ABHD4: variants seen among roughly 807,000 people sequenced by gnomAD.
ABHD4 encodes (Lyso)-N-acylphosphatidylethanolamine lipase.
ABHD4 carries 35 observed loss-of-function variants against 42.3 expected under a neutral mutation model. That is an observed-to-expected ratio of 0.83 (90% CI 0.63 to 1.10). The LOEUF is 1.10. ABHD4 is among the 50% of genes least tolerant of loss of function. The pLI is 0.00. For synonymous variants in ABHD4, 169 were observed against 170.6 expected, an observed-to-expected ratio of 0.99 and a Z score of 0.07; for missense variants, 389 against 454.8, an observed-to-expected ratio of 0.86 and a Z score of 1.32.
chr14:22,606,776 T>C (rs371513242), intron 5 of ABHD4, among the ~76,000 whole-genome samples: 83 of 152,330 alleles, frequency 5.4e-4, no homozygotes, highest in African/African-American at 1.9e-3. Flanking sequence ...CCCTGTTCCC[T>C]ACAGGTATGC....
chr14:22,609,603 G>T, intron 5 of ABHD4, 121 bp from the exon 6 acceptor site: 1 of 1,083,956 alleles, frequency 9.2e-7, no homozygotes, highest in Non-Finnish European at 1.3e-6. Context: ...AATATTTAAT[G>T]AGCCCAGTGT....
At position 22,611,111 on chromosome 14, in the gene ABHD4, C is replaced by A; in HGVS notation, c.*163C>A. ...ACGACAGTGAAAAGAACACTCTTGA[C>A]CCTACACTGAAGGCTGAAGGCAGAA... On this transcript the variant is annotated 3_prime_UTR_variant, in exon 7 of 7. Transcript: ENST00000428304. 2 of 649,872 alleles carry A rather than the reference C, an allele frequency of 3.1e-6. No individual in the cohort carries two copies. Among genetic ancestry groups the A allele is most frequent in the Non-Finnish European group, 5.4e-6 (2 of 367,688 alleles). The allele number at this position is 649,872 out of a possible 1,614,324, so 40.3% of individuals were successfully genotyped here.
intron 4 of ABHD4, 41 bp from the exon 5 acceptor site, chr14:22,606,381 C>A: frequency 7.0e-7 from 1 of 1,427,098 alleles, no homozygotes; most frequent in Non-Finnish European, 9.8e-7. Context: ...CCTGCCCCAC[C>A]TCCCAAATTG....
In ABHD4 at chr14:22,606,388, A is replaced by G. The variant is rs137957339; in HGVS notation, c.641-34A>G. ...GAGTCTTCCCTGCCCCACCTCCCAA[A>G]TTGGCCTGTCTGTGTTTTTCTATCC... On this transcript the variant is annotated intron_variant, in intron 4 of 6. Coordinates refer to ENST00000428304, the MANE Select transcript of ABHD4 (RefSeq NM_022060.3). 1.6e-3 allele frequency: 2,335 copies of G among 1,504,358 alleles called. 16 individuals are homozygous for G. The highest frequency in any genetic ancestry group is 5.8e-3 in the Middle Eastern group (34 of 5,846). 93.2% of individuals were successfully genotyped at this position (1,504,358 alleles called of 1,614,324 possible).
intron 1 of ABHD4, chr14:22,598,877 G>C (rs1043035539): frequency 5.5e-6 from 1 of 181,602 alleles, no homozygotes; most frequent in Non-Finnish European, 1.1e-5. Flanking sequence ...TGTGATCCTA[G>C]TTGATAATGC....
intron 5 of ABHD4, among the ~76,000 whole-genome samples, chr14:22,606,743 G>T (rs2037354431): frequency 6.6e-6 from 1 of 152,140 alleles, no homozygotes; most frequent in African/African-American, 2.4e-5. Context: ...TAAACATGCT[G>T]CCCATCTCTA....
At chr14:22,609,329 A>G (rs901041083) in intron 5 of ABHD4, among the ~76,000 whole-genome samples, 1 of 152,192 alleles carries the variant, frequency 6.6e-6, no homozygotes, top group African/African-American at 2.4e-5. Flanking sequence ...ACAATTAATC[A>G]TATGATTAGT....
intron 2 of ABHD4, 92 bp from the exon 3 acceptor site, chr14:22,603,298 A>G (rs2037307552): frequency 6.6e-7 from 1 of 1,513,192 alleles, no homozygotes; most frequent in Non-Finnish European, 9.1e-7. Flanking sequence ...GGGTTCGGGA[A>G]TGGAGAGAAT....
At position 22,612,622 on chromosome 14, in the gene ABHD4, A is replaced by G. The variant is rs11157695; in HGVS notation, c.*1674A>G. The G allele has an allele frequency of 0.4, 61,071 of 152,160 alleles. 12,438 individuals carry two copies. Among genetic ancestry groups the G allele is most frequent in the South Asian group, 0.45 (2,170 of 4,826 alleles). The allele number at this position is 152,160 out of a possible 1,614,324, so 9.4% of individuals were successfully genotyped here. A position where few individuals can be genotyped will look rare whatever the true frequency, so the allele number is the denominator to read the frequency against. Reference sequence around the variant, plus strand: ...CCCCAGTTCACAGTAGAGAGGTGGAACTTAGTACTTCCTGCTGCCCATTAG... The same window carrying G: ...CCCCAGTTCACAGTAGAGAGGTGGAGCTTAGTACTTCCTGCTGCCCATTAG... On this transcript the variant is annotated 3_prime_UTR_variant, in exon 7 of 7. Coordinates refer to ENST00000428304, the MANE Select transcript of ABHD4 (RefSeq NM_022060.3).
intron 5 of ABHD4, among the ~76,000 whole-genome samples, chr14:22,608,843 T>C (rs1188868426): frequency 6.6e-6 from 1 of 151,208 alleles, no homozygotes; most frequent in Non-Finnish European, 1.5e-5. Context: ...CTGGGATTGC[T>C]GGCATGCACC....
rs917791880 is a variant in ABHD4, at chr14:22,604,041, C to G, written c.602C>G (p.Ser201Cys). 4.3e-6 allele frequency: 7 copies of G among 1,614,056 alleles called. No individual in the cohort carries two copies. The highest frequency in any genetic ancestry group is 5.1e-6 in the Non-Finnish European group (6 of 1,180,028). The change falls in exon 4 of 7, where the codon TCC (serine) becomes TGC (cysteine). Residue 201 changes from serine (S) to cysteine (C), a missense_variant. Transcript: ENST00000428304. ...VKAVASVLGR[S>C]NPLAVLRVAG... ...GCCGTGGCATCTGTCCTAGGACGTT[C>G]CAATCCATTGGCTGTTCTTCGAGTA... is the stretch of plus-strand genomic sequence containing the variant.
intron 5 of ABHD4, 34 bp from the exon 6 acceptor site, chr14:22,609,690 G>A (rs1176144753): frequency 4.4e-6 from 7 of 1,604,148 alleles, no homozygotes; most frequent in South Asian, 3.3e-5. Context: ...GACATATTCT[G>A]CTGTGAAGTT....
rs532083160 is a variant in ABHD4, at chr14:22,606,868, A to AT, written c.752+343dup. On this transcript the variant is annotated intron_variant, in intron 5 of 6. Coordinates refer to ENST00000428304, the MANE Select transcript of ABHD4 (RefSeq NM_022060.3). ...ACTGAAAAATTGATACAAACATGGT[A>AT]TTTTTTTTCTTTTTTTAGGTCAAAA... Among the ~76,000 whole-genome samples, 778 of 152,038 alleles carry AT rather than the reference A, an allele frequency of 5.1e-3. 6 individuals are homozygous for AT. Among genetic ancestry groups the AT allele is most frequent in the African/African-American group, 0.018 (750 of 41,440 alleles).
chr14:22,600,637 C>A (rs571268234), intron 1 of ABHD4, among the ~76,000 whole-genome samples: 1 of 152,226 alleles, frequency 6.6e-6, no homozygotes, highest in East Asian at 1.9e-4. Flanking sequence ...GTAACTCAGG[C>A]AGAGTTCAAG....
At position 22,603,591 on chromosome 14, in the gene ABHD4, T is replaced by G; in HGVS notation, c.314T>G (p.Phe105Cys). Reference sequence around the variant, plus strand: ...CTGCACACCTTCGATCTGCTTGGCTTCGGGCGAAGCTCAAGGCCAGCATTC... The same window carrying G: ...CTGCACACCTTCGATCTGCTTGGCTGCGGGCGAAGCTCAAGGCCAGCATTC... ...RTLHTFDLLG[F>C]GRSSRPAFPR... is the part of the protein sequence containing the mutation. Residue 105 changes from phenylalanine to cysteine, a missense_variant, in exon 3 of 7, where the codon TTC (phenylalanine) becomes TGC (cysteine). By Grantham distance (205) the Phe-to-Cys change is radical (BLOSUM62 -2). Transcript: ENST00000428304. The G allele has an allele frequency of 4.3e-6, 7 of 1,614,148 alleles. No individual in the cohort carries two copies. Among genetic ancestry groups the G allele is most frequent in the Non-Finnish European group, 5.9e-6 (7 of 1,180,034 alleles).
intron 4 of ABHD4, among the ~76,000 whole-genome samples, chr14:22,605,431 A>G (rs2037338168): frequency 1.3e-5 from 2 of 152,194 alleles, no homozygotes. Context: ...GAAAAACAGA[A>G]TGATTCCAGA....
rs1461669879 is a variant in ABHD4, at chr14:22,611,466, C to T, written c.*518C>T. The T allele has an allele frequency of 6.2e-6, 1 of 160,324 alleles. No individual in the cohort carries two copies. Among genetic ancestry groups the T allele is most frequent in the African/African-American group, 2.4e-5 (1 of 41,706 alleles). The allele number at this position is 160,324 out of a possible 1,614,324, so 9.9% of individuals were successfully genotyped here. A position where few individuals can be genotyped will look rare whatever the true frequency, so the allele number is the denominator to read the frequency against. ...CTGGAGTTCCCTTCACCTGCAGAGTCCTTTTCATGACCTAGGAGGTCTTAT... is the reference window on the plus strand; with the variant it reads ...CTGGAGTTCCCTTCACCTGCAGAGTTCTTTTCATGACCTAGGAGGTCTTAT... On this transcript the variant is annotated 3_prime_UTR_variant, in exon 7 of 7. Coordinates refer to ENST00000428304, the MANE Select transcript of ABHD4 (RefSeq NM_022060.3).
chr14:22,610,723 G>A, intron 6 of ABHD4, 136 bp from the exon 7 acceptor site: 1 of 666,854 alleles, frequency 1.5e-6, no homozygotes, highest in South Asian at 1.7e-5. Flanking sequence ...ATCCAAGCGA[G>A]AAAGGTGGAG....
In ABHD4 at chr14:22,611,915, G is replaced by T. The variant is rs942449725; in HGVS notation, c.*967G>T. 6.5e-6 allele frequency: 1 copy of T among 152,748 alleles called. No individual in the cohort carries two copies. Among genetic ancestry groups the T allele is most frequent in the African/African-American group, 2.4e-5 (1 of 41,412 alleles). 9.5% of individuals were successfully genotyped at this position (152,748 alleles called of 1,614,324 possible). A position where few individuals can be genotyped will look rare whatever the true frequency, so the allele number is the denominator to read the frequency against. On this transcript the variant is annotated 3_prime_UTR_variant, in exon 7 of 7. Coordinates refer to ENST00000428304, the MANE Select transcript of ABHD4 (RefSeq NM_022060.3). ...CAAAGGTGGCTCCTGGTGAAGAGAG[G>T]GTGGAAAGGCCCTTCAGCCCCAGGG...
Sources: allele counts gnomAD v4.1 joint callset (sites outside exome capture counted in the v4.1 genomes callset), GRCh38; gene constraint gnomAD v4.1.1; transcripts MANE v1.5; gene names NCBI Gene and HGNC (gene_info 2026-07-23, HGNC 2026-07-21).